The following PDCD4 variants were observed in gnomAD, a reference collection of about 807,000 sequenced individuals.
The protein encoded by PDCD4 is programmed cell death 4, also known as programmed cell death protein 4.
PDCD4 carries 56 observed loss-of-function variants against 54.0 expected under a neutral mutation model. That is an observed-to-expected ratio of 1.04 (90% CI 0.84 to 1.30). The LOEUF is 1.30. Among genes scored for constraint, PDCD4 ranks in the 50% most tolerant of loss-of-function variants. The pLI, the probability that PDCD4 is intolerant of heterozygous loss-of-function variation, is 0.00. For synonymous variants in PDCD4, 186 were observed against 194.8 expected (o/e 0.95, Z 0.37); for missense variants, 584 against 559.8 (o/e 1.04, Z -0.44).
At position 110,896,102 on chromosome 10, in the gene PDCD4, T is replaced by C; in HGVS notation, c.1349+15T>C. The C allele has an allele frequency of 1.3e-6, 2 of 1,562,192 alleles. No individual in the cohort carries two copies. The highest frequency in any genetic ancestry group is 2.3e-5 in the South Asian group (2 of 85,504). On this transcript the variant is annotated intron_variant, in intron 11 of 11. Transcript: ENST00000280154. ...TGTCCTTCAAGGTACTTTATTTAAATACTACTTTCTCAATGTAAAATAGTG... is the reference window on the plus strand; with the variant it reads ...TGTCCTTCAAGGTACTTTATTTAAACACTACTTTCTCAATGTAAAATAGTG...
At chr10:110,896,592 C>G (rs945487657) in intron 11 of PDCD4, among the ~76,000 whole-genome samples, 10 of 151,944 alleles carry the variant, frequency 6.6e-5, no homozygotes, top group African/African-American at 2.4e-4. Context: ...GGAGGATGTT[C>G]TCACTGGAAA....
intron 1 of PDCD4, among the ~76,000 whole-genome samples, chr10:110,875,283 T>C (rs903446547): frequency 1.3e-5 from 2 of 152,170 alleles, no homozygotes; most frequent in Admixed American, 1.3e-4. Flanking sequence ...CTTATGTCGT[T>C]GTACTTACTC....
chr10:110,877,823 G>T (rs945217345), intron 2 of PDCD4, among the ~76,000 whole-genome samples: 22 of 152,102 alleles, frequency 1.4e-4, no homozygotes, highest in Non-Finnish European at 3.2e-4. Context: ...CTGACCTTCA[G>T]TTTTTTCATG....
At chr10:110,872,762 C>T (rs1437923377) in intron 1 of PDCD4, among the ~76,000 whole-genome samples, 1 of 152,248 alleles carries the variant, frequency 6.6e-6, no homozygotes, top group Non-Finnish European at 1.5e-5. Context: ...TAAAATCTCC[C>T]AGAGAAAACA....
At chr10:110,874,543 A>T (rs1051020909) in intron 1 of PDCD4, among the ~76,000 whole-genome samples, 2 of 152,058 alleles carry the variant, frequency 1.3e-5, no homozygotes, top group Non-Finnish European at 2.9e-5. Context: ...TCATATCTAA[A>T]GTTGGCGGGA....
intron 11 of PDCD4, 30 bp from the exon 12 acceptor site, chr10:110,897,998 T>C: frequency 6.5e-7 from 1 of 1,527,228 alleles, no homozygotes; most frequent in Admixed American, 1.9e-5. Flanking sequence ...TTTGTATCTG[T>C]TTTCATGTCT....
Position 110,898,749 on chromosome 10 carries a change from T to C in PDCD4, c.*661T>C, listed in dbSNP as rs1430030649. 6.6e-6 allele frequency: 1 copy of C among 152,598 alleles called. No homozygotes were observed. Among genetic ancestry groups the C allele is most frequent in the African/African-American group, 2.4e-5 (1 of 41,434 alleles). 9.5% of individuals were successfully genotyped at this position (152,598 alleles called of 1,614,324 possible). A position where few individuals can be genotyped will look rare whatever the true frequency, so the allele number is the denominator to read the frequency against. On this transcript the variant is annotated 3_prime_UTR_variant, in exon 12 of 12. Coordinates refer to ENST00000280154, the MANE Select transcript of PDCD4 (RefSeq NM_014456.5). The stretch of plus-strand genomic sequence containing the variant: ...AACATGTGAAGCAGTATTGATTCTT[T>C]ATTGGGAGTACATTTTTTTAGGTCT...
intron 11 of PDCD4, among the ~76,000 whole-genome samples, chr10:110,897,383 A>G (rs1015239708): frequency 1.3e-5 from 2 of 152,164 alleles, no homozygotes; most frequent in Non-Finnish European, 2.9e-5. Flanking sequence ...AGTAAGGGCT[A>G]ATGTTGCCTA....
At position 110,889,682 on chromosome 10, in the gene PDCD4, C is replaced by A. The variant is rs933333678; in HGVS notation, c.875+52C>A. The A allele has an allele frequency of 3.0e-6, 3 of 988,844 alleles. No homozygotes were observed. The Admixed American group carries it at 5.5e-5, about 18-fold the overall frequency. The allele number at this position is 988,844 out of a possible 1,614,324, so 61.3% of individuals were successfully genotyped here. A position where few individuals can be genotyped will look rare whatever the true frequency, so the allele number is the denominator to read the frequency against. ...AATTTCAAAATAGGGGAAAATTCTA[C>A]AGGATCCTATTGAAATGACACTTGT... On this transcript the variant is annotated intron_variant, in intron 7 of 11. Transcript: ENST00000280154.
At chr10:110,882,170 A>G (rs569377739) in intron 3 of PDCD4, among the ~76,000 whole-genome samples, 144 of 152,336 alleles carry the variant, frequency 9.5e-4, no homozygotes, top group African/African-American at 3.3e-3. Flanking sequence ...TGATCTGTCA[A>G]AAATTAGTTT....
intron 2 of PDCD4, among the ~76,000 whole-genome samples, chr10:110,877,776 A>T (rs1013799822): frequency 2.0e-5 from 3 of 152,238 alleles, no homozygotes; most frequent in African/African-American, 7.2e-5. Context: ...AGTCCAAGTC[A>T]CACTCTTACT....
intron 5 of PDCD4, 134 bp downstream of exon 5, chr10:110,885,500 G>A (rs1845656906): frequency 4.2e-6 from 2 of 478,694 alleles, no homozygotes; most frequent in Non-Finnish European, 7.4e-6. Flanking sequence ...GAATTTCTAA[G>A]AAATGGAATA....
rs538250431 is a variant in PDCD4 at position 110,882,715 on chromosome 10, T to C, written c.347-288T>C. On this transcript the variant is annotated intron_variant, in intron 3 of 11. Coordinates refer to ENST00000280154, the MANE Select transcript of PDCD4 (RefSeq NM_014456.5). ...GAGCTCAGCTGCAATATCATCTCCT[T>C]TGAGGTCCTCAATATAGCTATTTTT... Among the ~76,000 whole-genome samples the C allele has an allele frequency of 8.5e-5, 13 of 152,306 alleles. No individual in the cohort carries two copies. The East Asian group carries it at 2.3e-3, about 27-fold the overall frequency.
At chr10:110,883,812 GGTT>G (rs752291294) in intron 4 of PDCD4, among the ~76,000 whole-genome samples, 2 of 152,084 alleles carry the variant, frequency 1.3e-5, no homozygotes, top group Non-Finnish European at 2.9e-5. Context: ...GTATGTGTTA[GGTT>G]GTTTTTATTG....
intron 11 of PDCD4, among the ~76,000 whole-genome samples, chr10:110,896,841 G>T (rs1351226727): frequency 6.6e-6 from 1 of 152,028 alleles, no homozygotes; most frequent in Non-Finnish European, 1.5e-5. Context: ...AGAATTAAAA[G>T]TCAGAAAAAT....
Position 110,887,837 on chromosome 10 carries a change from TGTTGAAA to T in PDCD4, c.730_736del (p.Leu244IlefsTer5), listed in dbSNP as rs1487032634. ...GATGTGGAAAAATCATTTGATAAATTGTTGAAAGATCTACCTGAATTAGCACTGGATA... is the reference window on the plus strand; with the variant it reads ...GATGTGGAAAAATCATTTGATAAATTGATCTACCTGAATTAGCACTGGATA... On this transcript the variant is annotated frameshift_variant, in exon 6 of 12. Coordinates refer to ENST00000280154, the MANE Select transcript of PDCD4 (RefSeq NM_014456.5). LOFTEE classifies it high-confidence loss of function. 6.2e-7 allele frequency: 1 copy of T among 1,613,698 alleles called. No homozygotes were observed. The highest frequency in any genetic ancestry group is 8.5e-7 in the Non-Finnish European group (1 of 1,179,710).
chr10:110,895,834 T>G lies in PDCD4; in HGVS notation c.1210-114T>G, dbSNP rs960111987. ...TCACGATTCAAATCTGACTTCAGTT[T>G]AACCATTTGAATATTTGGCCTTAAA... is the stretch of plus-strand genomic sequence containing the variant. On this transcript the variant is annotated intron_variant, in intron 10 of 11. Coordinates refer to ENST00000280154, the MANE Select transcript of PDCD4 (RefSeq NM_014456.5). 11 of 729,532 alleles carry G rather than the reference T, an allele frequency of 1.5e-5. No individual in the cohort carries two copies. The African/African-American group carries it at 1.8e-4, about 12-fold the overall frequency. 45.2% of individuals were successfully genotyped at this position (729,532 alleles called of 1,614,324 possible). A position where few individuals can be genotyped will look rare whatever the true frequency, so the allele number is the denominator to read the frequency against.
Position 110,876,044 on chromosome 10 carries a change from A to AGCAG in PDCD4, c.18_21dup (p.Ile8AlafsTer11). The AGCAG allele has an allele frequency of 1.2e-6, 2 of 1,611,006 alleles. No homozygotes were observed. Among genetic ancestry groups the AGCAG allele is most frequent in the Non-Finnish European group, 1.7e-6 (2 of 1,178,204 alleles). On this transcript the variant is annotated frameshift_variant, in exon 2 of 12. Transcript: ENST00000280154. LOFTEE classifies it high-confidence loss of function. ...TAAGGGAAAATGGATGTAGAAAATG[A>AGCAG]GCAGATACTGAATGTAAACCCTGCA...
chr10:110,888,176 T>C (rs1250226602), intron 6 of PDCD4, among the ~76,000 whole-genome samples: 1 of 152,038 alleles, frequency 6.6e-6, no homozygotes, highest in Non-Finnish European at 1.5e-5. Context: ...CTTTGTTATA[T>C]GTAGTTGTTT....
Sources: gnomAD v4.1 joint callset for allele counts (sites outside exome capture counted in the v4.1 genomes callset) on GRCh38, gnomAD v4.1.1 for gene constraint, MANE v1.5 for transcripts, NCBI Gene and HGNC (gene_info 2026-07-23, HGNC 2026-07-21) for gene names.